ARL17B: variants seen among roughly 807,000 people sequenced by gnomAD.
The protein encoded by ARL17B is ARF like GTPase 17B, also known as ADP-ribosylation factor-like protein 17.
chr17:46,315,400 G>T (rs1567869825), intron 3 of ARL17B, among the ~76,000 whole-genome samples: 1 of 132,760 alleles, frequency 7.5e-6, no homozygotes, highest in Admixed American at 7.7e-5. Context: ...GGTGGCACAT[G>T]CCTGTAGTCA....
intron 4 of ARL17B, among the ~76,000 whole-genome samples, chr17:46,289,265 C>G (rs1373247453): frequency 6.6e-6 from 1 of 152,208 alleles, no homozygotes; most frequent in Non-Finnish European, 1.5e-5. Context: ...TTGCTATAGC[C>G]TTGACCTGCC....
chr17:46,322,472 AT>A, intron 3 of ARL17B: 1 of 577,064 alleles, frequency 1.7e-6, no homozygotes, highest in South Asian at 2.4e-5. Context: ...AGTATTTTGC[AT>A]TTAGGCTAAA....
chr17:46,334,804 G>T (rs1361579667), downstream of ARL17B: 1 of 128,242 alleles, frequency 7.8e-6, no homozygotes, highest in Non-Finnish European at 1.7e-5. Context: ...CTCTTCATCA[G>T]CAGGTCCACA....
chr17:46,290,185 A>G (rs2668652), intron 4 of ARL17B, among the ~76,000 whole-genome samples: 17,686 of 148,176 alleles, frequency 0.12, 1 homozygote, highest in Middle Eastern at 0.19. Flanking sequence ...GCTAGAGTAC[A>G]GTGGTGCTAT....
rs1253972303 is a variant in ARL17B at position 46,308,112 on chromosome 17, G to T, written c.260-8447C>A. Among the ~76,000 whole-genome samples the T allele has an allele frequency of 4.7e-5, 3 of 63,670 alleles. 1 individual carries two copies. The Admixed American group carries it at 5.3e-4, about 11-fold the overall frequency. The allele number at this position is 63,670 out of a possible 152,430, so 41.8% of individuals were successfully genotyped here. On this transcript the variant is annotated intron_variant, in intron 3 of 4. Transcript: ENST00000434041. ...CCAGGAAAACACTGGAATCACAGTT[G>T]ATAAAAATTAATGAATTCACTCAAA...
rs1162973549 is a variant in ARL17B at position 46,304,634 on chromosome 17, G to T, written c.260-4969C>A. Among the ~76,000 whole-genome samples the T allele has an allele frequency of 4.4e-5, 3 of 67,822 alleles. 1 individual carries two copies. Among genetic ancestry groups the T allele is most frequent in the Admixed American group, 3.2e-4 (2 of 6,200 alleles). The allele number at this position is 67,822 out of a possible 152,430, so 44.5% of individuals were successfully genotyped here. A position where few individuals can be genotyped will look rare whatever the true frequency, so the allele number is the denominator to read the frequency against. ...CAAACTCCATCACTGTATAACTGAA[G>T]AAATTTTTTTTTATGAAATATTAAA... On this transcript the variant is annotated intron_variant, in intron 3 of 4. Transcript: ENST00000434041.
At chr17:46,350,575 A>AGG (rs201102256) in intron 3 of ARL17B, among the ~76,000 whole-genome samples, 3 of 81,510 alleles carry the variant, frequency 3.7e-5, no homozygotes, top group Non-Finnish European at 9.6e-5. Flanking sequence ...AAAAAAAAAA[A>AGG]GGGGGGGGGA....
intron 4 of ARL17B, among the ~76,000 whole-genome samples, chr17:46,290,649 G>T (rs1415484632): frequency 6.6e-6 from 1 of 152,204 alleles, no homozygotes; most frequent in East Asian, 1.9e-4. Flanking sequence ...GTTTCGCCCT[G>T]TTAGCCAGGC....
chr17:46,291,831 C>T (rs144654257), intron 4 of ARL17B, among the ~76,000 whole-genome samples: 26 of 151,978 alleles, frequency 1.7e-4, no homozygotes, highest in African/African-American at 4.4e-4. Context: ...TGGCATGGCA[C>T]GCGCCTGTAG....
chr17:46,309,303 T>C (rs1468811896), intron 3 of ARL17B, among the ~76,000 whole-genome samples: 1 of 22,304 alleles, frequency 4.5e-5, no homozygotes, highest in Non-Finnish European at 1.5e-4. Flanking sequence ...CTCTTACAGA[T>C]GAAATCATGA....
At chr17:46,313,045 A>G (rs1256565836) in intron 3 of ARL17B, among the ~76,000 whole-genome samples, 70 of 108,462 alleles carry the variant, frequency 6.5e-4, no homozygotes, top group Non-Finnish European at 9.5e-4. Context: ...TCTTTGTGTT[A>G]CATTGAGACT....
intron 4 of ARL17B, among the ~76,000 whole-genome samples, chr17:46,278,100 C>T (rs2049642750): frequency 6.6e-6 from 1 of 152,130 alleles, no homozygotes; most frequent in Admixed American, 6.6e-5. Context: ...GCGTGCACCA[C>T]CATGCCTGGC....
At chr17:46,281,388 T>C (rs2143355431) in intron 4 of ARL17B, among the ~76,000 whole-genome samples, 1 of 152,214 alleles carries the variant, frequency 6.6e-6, no homozygotes, top group Non-Finnish European at 1.5e-5. Flanking sequence ...ATTTTTCTTT[T>C]ATTCTTGTCT....
intron 4 of ARL17B, among the ~76,000 whole-genome samples, chr17:46,278,010 G>A (rs80256414): frequency 0.11 from 16,962 of 148,650 alleles, no homozygotes; most frequent in Non-Finnish European, 0.17. Flanking sequence ...TAGTGGTGTG[G>A]TCTCCACTCA....
At chr17:46,277,641 C>CTTTTCTTTTCTTTTCT (rs779380997) in intron 4 of ARL17B, among the ~76,000 whole-genome samples, 1 of 146,506 alleles carries the variant, frequency 6.8e-6, no homozygotes. Flanking sequence ...CTTTTCTTTT[C>CTTTTCTTTTCTTTTCT]TTTCTTTCTT....
chr17:46,324,269 T>TAA (rs1420883299), intron 3 of ARL17B, among the ~76,000 whole-genome samples: 1 of 61,672 alleles, frequency 1.6e-5, no homozygotes, highest in Non-Finnish European at 4.4e-5. Context: ...GGACTCTGTC[T>TAA]AAAAAAAAAA....
rs2051216920 is a variant in ARL17B, at chr17:46,317,411, C to T, written c.260-17746G>A. Among the ~76,000 whole-genome samples, 4 of 71,696 alleles carry T rather than the reference C, an allele frequency of 5.6e-5. 2 individuals are homozygous for T. In the East Asian group the frequency reaches 1.1e-3, roughly 19 times the overall value. 47.0% of individuals were successfully genotyped at this position (71,696 alleles called of 152,430 possible). A position where few individuals can be genotyped will look rare whatever the true frequency, so the allele number is the denominator to read the frequency against. ...GTGATGAGTTGCTTTTCTCTTGCTG[C>T]TTTCAAGATATTCTGTCTTTGGCTT... is the stretch of plus-strand genomic sequence containing the variant. On this transcript the variant is annotated intron_variant, in intron 3 of 4. Transcript: ENST00000434041.
intron 4 of ARL17B, among the ~76,000 whole-genome samples, chr17:46,277,866 G>A (rs1328206435): frequency 6.6e-6 from 1 of 151,892 alleles, no homozygotes; most frequent in Admixed American, 6.6e-5. Context: ...AGGCTGGTCT[G>A]GAACTCCTGA....
chr17:46,278,415 G>T (rs2732698), intron 4 of ARL17B, among the ~76,000 whole-genome samples: 37,976 of 116,260 alleles, frequency 0.33, 5,971 homozygotes, highest in East Asian at 0.48. Context: ...TTTTTTTGTT[G>T]TTGTTTTAAG....
Sources: gnomAD v4.1 joint callset for allele counts (sites outside exome capture counted in the v4.1 genomes callset) on GRCh38, gnomAD v4.1.1 for gene constraint, MANE v1.5 for transcripts, NCBI Gene and HGNC (gene_info 2026-07-23, HGNC 2026-07-21) for gene names.